PHACTR1: variants seen among roughly 807,000 people sequenced by gnomAD.
PHACTR1 encodes the protein phosphatase and actin regulator 1.
Under a neutral mutation model 69.2 loss-of-function variants are expected in PHACTR1, and 16 were observed. The ratio of observed to expected loss-of-function variants is 0.23; its 90% confidence interval spans 0.16 to 0.35. PHACTR1 has a LOEUF of 0.35. PHACTR1 is among the 10% of genes least tolerant of loss of function. The probability of loss-of-function intolerance (pLI) is 1.00; values close to 1 mark genes in which losing one functional copy is unlikely to be tolerated. For missense variants in PHACTR1, 510 were observed against 734.7 expected, an observed-to-expected ratio of 0.69 and a Z score of 3.54; for synonymous variants, 312 against 284.5, an observed-to-expected ratio of 1.10 and a Z score of -0.97.
chr6:12,784,191 T>C (rs1771197799), intron 4 of PHACTR1, among the ~76,000 whole-genome samples: 1 of 151,964 alleles, frequency 6.6e-6, no homozygotes, highest in African/African-American at 2.4e-5. Flanking sequence ...CCCACAGATA[T>C]ACATATATAT....
intron 3 of PHACTR1, among the ~76,000 whole-genome samples, chr6:12,740,866 T>A (rs561871209): frequency 2.0e-4 from 31 of 152,200 alleles, no homozygotes; most frequent in Non-Finnish European, 4.0e-4. Flanking sequence ...CCTATTTAAT[T>A]CCTGATATTG....
rs1771094612 is a variant in PHACTR1 at position 13,231,297 on chromosome 6, CG to C, written c.1391+1105del. On this transcript the variant is annotated intron_variant, in intron 10 of 14. Transcript: ENST00000332995. ...GAAAGAAGGAAAGAGAAAGAGAGAG[CG>C]AAAGAGAAGGAGGGAGGGAGGAAGG... Among the ~76,000 whole-genome samples, 3 of 30,388 alleles carry C rather than the reference CG, an allele frequency of 9.9e-5. 1 individual carries two copies. The highest frequency in any genetic ancestry group is 6.0e-4 in the African/African-American group (3 of 4,998). 19.9% of individuals were successfully genotyped at this position (30,388 alleles called of 152,430 possible).
At chr6:12,948,445 A>G (rs1790913208) in intron 4 of PHACTR1, among the ~76,000 whole-genome samples, 1 of 152,226 alleles carries the variant, frequency 6.6e-6, no homozygotes. Flanking sequence ...GGTGGTGGTC[A>G]TGGTGGTGAT....
chr6:12,788,213 C>T (rs981454257), intron 4 of PHACTR1, among the ~76,000 whole-genome samples: 16 of 150,202 alleles, frequency 1.1e-4, no homozygotes, highest in African/African-American at 3.2e-4. Flanking sequence ...CACAGACCCA[C>T]GCTTCCCTCC....
intron 5 of PHACTR1, among the ~76,000 whole-genome samples, chr6:13,099,765 A>T (rs1561829830): frequency 6.6e-6 from 1 of 152,172 alleles, no homozygotes; most frequent in Non-Finnish European, 1.5e-5. Context: ...GCATAAACAC[A>T]CTTTTCAGCT....
intron 4 of PHACTR1, among the ~76,000 whole-genome samples, chr6:12,793,968 A>T (rs1313864714): frequency 6.6e-6 from 1 of 152,250 alleles, no homozygotes; most frequent in African/African-American, 2.4e-5. Flanking sequence ...CACTCCGCTA[A>T]GTCCTGGAGC....
intron 5 of PHACTR1, among the ~76,000 whole-genome samples, chr6:13,078,143 C>T (rs959082893): frequency 2.0e-5 from 3 of 151,968 alleles, no homozygotes; most frequent in Non-Finnish European, 2.9e-5. Flanking sequence ...TATCAGTTCC[C>T]TAGAGCTGTT....
intron 5 of PHACTR1, among the ~76,000 whole-genome samples, chr6:13,123,218 G>T (rs1249977553): frequency 6.6e-6 from 1 of 152,218 alleles, no homozygotes; most frequent in African/African-American, 2.4e-5. Flanking sequence ...ACTTAGGAGA[G>T]AATCGCATTG....
chr6:12,979,183 C>T (rs757182633), intron 4 of PHACTR1, among the ~76,000 whole-genome samples: 1 of 152,212 alleles, frequency 6.6e-6, no homozygotes, highest in South Asian at 2.1e-4. Context: ...CATATTTAAC[C>T]TTTCTTCAGG....
In PHACTR1 at chr6:13,165,719, G is replaced by A. The variant is rs181723943; in HGVS notation, c.496+5435G>A. 3.9e-4 allele frequency among the ~76,000 whole-genome samples: 59 copies of A among 152,212 alleles called. 3 individuals carry two copies. The East Asian group carries it at 0.011, about 29-fold the overall frequency. ...GTGATATTTTCACAGAGACCTAAAC[G>A]AAGTGACCGAGTGGCTCAAACAGGG... On this transcript the variant is annotated intron_variant, in intron 6 of 14. Transcript: ENST00000332995.
intron 4 of PHACTR1, among the ~76,000 whole-genome samples, chr6:12,836,647 C>A (rs1252765493): frequency 6.6e-6 from 1 of 152,148 alleles, no homozygotes; most frequent in Non-Finnish European, 1.5e-5. Context: ...AAGCCTGCAG[C>A]ACATTCAGCA....
chr6:13,044,422 G>A (rs1228932060), intron 4 of PHACTR1, among the ~76,000 whole-genome samples: 2 of 152,218 alleles, frequency 1.3e-5, no homozygotes, highest in Admixed American at 6.5e-5. Flanking sequence ...ATGTTTATCA[G>A]TAGTTCCAAC....
intron 4 of PHACTR1, among the ~76,000 whole-genome samples, chr6:12,989,663 A>G (rs575737972): frequency 8.5e-5 from 13 of 152,328 alleles, no homozygotes; most frequent in African/African-American, 3.1e-4. Context: ...AAGAGTTTAT[A>G]AAGGTGGGAG....
At chr6:12,898,095 A>T (rs193282878) in intron 4 of PHACTR1, among the ~76,000 whole-genome samples, 17 of 152,258 alleles carry the variant, frequency 1.1e-4, no homozygotes, top group Admixed American at 1.1e-3. Flanking sequence ...ACTGTGGACC[A>T]CTGTCTCCTT....
At chr6:12,929,083 C>T (rs1788595067) in intron 4 of PHACTR1, among the ~76,000 whole-genome samples, 1 of 152,162 alleles carries the variant, frequency 6.6e-6, no homozygotes, top group South Asian at 2.1e-4. Context: ...AGTTCATGTT[C>T]CACCCTTTAC....
At chr6:13,167,826 G>A (rs1760032447) in intron 6 of PHACTR1, among the ~76,000 whole-genome samples, 1 of 152,134 alleles carries the variant, frequency 6.6e-6, no homozygotes, top group African/African-American at 2.4e-5. Flanking sequence ...TTCCTGAAAT[G>A]GACAACTCTT....
intron 4 of PHACTR1, among the ~76,000 whole-genome samples, chr6:12,998,291 C>A (rs2127618178): frequency 6.6e-6 from 1 of 152,178 alleles, no homozygotes. Context: ...GTGAAGATTG[C>A]ATAACCTCAT....
At chr6:12,917,634 C>G (rs1036819544) in intron 4 of PHACTR1, among the ~76,000 whole-genome samples, 6 of 152,042 alleles carry the variant, frequency 3.9e-5, no homozygotes, top group African/African-American at 1.4e-4. Context: ...ATGAGCCTAT[C>G]GTCCCAGCTA....
intron 4 of PHACTR1, among the ~76,000 whole-genome samples, chr6:12,931,683 G>A (rs1286719914): frequency 6.6e-6 from 1 of 151,960 alleles, no homozygotes; most frequent in Non-Finnish European, 1.5e-5. Context: ...TCACAAAGCA[G>A]AATCACACAA....
Sources: gnomAD v4.1 joint callset for allele counts (sites outside exome capture counted in the v4.1 genomes callset) on GRCh38, gnomAD v4.1.1 for gene constraint, MANE v1.5 for transcripts, NCBI Gene and HGNC (gene_info 2026-07-23, HGNC 2026-07-21) for gene names.